Variants in VPS33A observed in about 807,000 individuals in gnomAD.
The protein encoded by VPS33A is vacuolar protein sorting-associated protein 33A.
In VPS33A, 32 loss-of-function variants were observed where a neutral mutation model predicts 71.8. That is an observed-to-expected ratio of 0.45 (90% CI 0.34 to 0.60). VPS33A has a LOEUF of 0.60. VPS33A is among the 20% of genes least tolerant of loss of function. VPS33A has a pLI of 0.02. For synonymous variants in VPS33A, 311 were observed against 292.7 expected (o/e 1.06, Z -0.64); for missense variants, 625 against 748.5 (o/e 0.84, Z 1.92).
intron 4 of VPS33A, among the ~76,000 whole-genome samples, chr12:122,254,575 A>T (rs1954890667): frequency 6.6e-6 from 1 of 151,654 alleles, no homozygotes; most frequent in Non-Finnish European, 1.5e-5. Flanking sequence ...GCTAATTTTA[A>T]TTTTGTTTTA....
At chr12:122,235,260 A>G (rs1219413588) in intron 11 of VPS33A, among the ~76,000 whole-genome samples, 2 of 143,272 alleles carry the variant, frequency 1.4e-5, no homozygotes, top group East Asian at 4.1e-4. Context: ...AGCCTGCCCC[A>G]TAACTTTTTT....
intron 7 of VPS33A, among the ~76,000 whole-genome samples, chr12:122,242,845 C>T (rs138502107): frequency 2.2e-4 from 33 of 152,220 alleles, no homozygotes; most frequent in East Asian, 1.9e-3. Flanking sequence ...TGAGCCACCA[C>T]GCCTGGCCGA....
Position 122,238,675 on chromosome 12 carries a change from T to G in VPS33A, c.1214A>C (p.Lys405Thr). The change falls in exon 10 of 13, where the codon AAG becomes ACG. Residue 405 changes from lysine to threonine, a missense_variant. Physicochemically the swap from Lys to Thr is moderately conservative, Grantham distance 78. Coordinates refer to ENST00000267199, the MANE Select transcript of VPS33A (RefSeq NM_022916.6). ...TTGGAGGCAAACTAGTCTTAACACC[T>G]TGATCAACGAGTGCTTTTGGGCGAT... ...DCIAQKHSLI[K>T]VLRLVCLQSV... 1 of 1,613,882 alleles carries G rather than the reference T, an allele frequency of 6.2e-7. No individual in the cohort carries two copies. Among genetic ancestry groups the G allele is most frequent in the Non-Finnish European group, 8.5e-7 (1 of 1,179,982 alleles).
intron 4 of VPS33A, among the ~76,000 whole-genome samples, chr12:122,255,054 G>GAAAAAAAAAAAAAAAAAA (rs35670853): frequency 7.7e-6 from 1 of 129,796 alleles, no homozygotes. Context: ...CAGTTTCAAG[G>GAAAAAAAAAAAAAAAAAA]AAAAAAAAAA....
intron 3 of VPS33A, 95 bp downstream of exon 3, chr12:122,263,477 T>C (rs928949826): frequency 1.4e-6 from 2 of 1,419,948 alleles, no homozygotes; most frequent in African/African-American, 2.8e-5. Flanking sequence ...CACCTTGCAC[T>C]GGCAAGAGTG....
chr12:122,232,578 ATTTTT>A, intron 12 of VPS33A, 151 bp from the exon 13 acceptor site: 1 of 1,038,554 alleles, frequency 9.6e-7, no homozygotes, highest in Non-Finnish European at 1.3e-6. Context: ...TGATCTCAAC[ATTTTT>A]TTTTAACTTC....
At chr12:122,244,465 A>C in intron 7 of VPS33A, 104 bp downstream of exon 7, 1 of 1,006,128 alleles carries the variant, frequency 9.9e-7, no homozygotes, top group East Asian at 2.4e-5. Context: ...GTTGCATTGA[A>C]GCCTGGTTTA....
chr12:122,264,403 G>C (rs1955039599), intron 1 of VPS33A, among the ~76,000 whole-genome samples: 1 of 152,110 alleles, frequency 6.6e-6, no homozygotes, highest in African/African-American at 2.4e-5. Flanking sequence ...CTGTTATTTT[G>C]TTTCTGAGAC....
At position 122,229,804 on chromosome 12, in the gene VPS33A, G is replaced by A. The variant is rs1954535848; in HGVS notation, c.*2442C>T. ...CATTTTCTATTTGCATACAAATGAA[G>A]CAATTGAAGTTTTTCAGTCTTCTGC... On this transcript the variant is annotated 3_prime_UTR_variant, in exon 13 of 13. Transcript: ENST00000267199. 1.3e-5 allele frequency: 2 copies of A among 152,204 alleles called. No individual in the cohort carries two copies. The highest frequency in any genetic ancestry group is 1.3e-4 in the Admixed American group (2 of 15,276). The allele number at this position is 152,204 out of a possible 1,614,324, so 9.4% of individuals were successfully genotyped here. A position where few individuals can be genotyped will look rare whatever the true frequency, so the allele number is the denominator to read the frequency against.
intron 1 of VPS33A, chr12:122,265,698 G>C (rs1341976464): frequency 4.4e-6 from 2 of 454,012 alleles, no homozygotes; most frequent in African/African-American, 2.0e-5. Context: ...CAGTTGTACT[G>C]TCAGTAACTT....
chr12:122,245,346 A>T (rs1031477944), intron 6 of VPS33A, among the ~76,000 whole-genome samples: 1 of 152,048 alleles, frequency 6.6e-6, no homozygotes, highest in Non-Finnish European at 1.5e-5. Context: ...TATAAAATAC[A>T]TTTCTTACTG....
intron 4 of VPS33A, among the ~76,000 whole-genome samples, chr12:122,253,907 G>A (rs191365463): frequency 2.0e-5 from 3 of 152,050 alleles, no homozygotes; most frequent in Admixed American, 1.3e-4. Flanking sequence ...CCACGTTGCC[G>A]AGGCTGGTCT....
chr12:122,237,620 T>C (rs7313705), intron 10 of VPS33A, among the ~76,000 whole-genome samples: 4,464 of 139,724 alleles, frequency 0.032, 259 homozygotes, highest in African/African-American at 0.12. Context: ...CTCGGCTCAC[T>C]GCAAGCTCCG....
At chr12:122,266,223 C>G in intron 1 of VPS33A, 84 bp downstream of exon 1, 1 of 1,549,208 alleles carries the variant, frequency 6.5e-7, no homozygotes, top group Non-Finnish European at 8.7e-7. Context: ...CCTCATAAAC[C>G]GCGAACTCAG....
intron 3 of VPS33A, among the ~76,000 whole-genome samples, chr12:122,262,329 C>A (rs1955005979): frequency 6.6e-6 from 1 of 152,198 alleles, no homozygotes; most frequent in African/African-American, 2.4e-5. Flanking sequence ...ATTTATGGGG[C>A]ATTGAAGCTC....
chr12:122,241,774 G>A (rs1049339928), intron 8 of VPS33A, among the ~76,000 whole-genome samples: 24 of 151,810 alleles, frequency 1.6e-4, no homozygotes, highest in African/African-American at 5.8e-4. Flanking sequence ...TGTATTTTTA[G>A]TAGAGACAGG....
chr12:122,244,541 G>GC, intron 7 of VPS33A, 28 bp downstream of exon 7: 1 of 1,565,390 alleles, frequency 6.4e-7, no homozygotes, highest in Non-Finnish European at 8.7e-7. Flanking sequence ...GCCTAGAGTT[G>GC]CAGAATGACA....
At chr12:122,251,635 T>C (rs1213831684) in intron 4 of VPS33A, among the ~76,000 whole-genome samples, 1 of 151,984 alleles carries the variant, frequency 6.6e-6, no homozygotes, top group Non-Finnish European at 1.5e-5. Context: ...TATTTTTGCA[T>C]TGAAAAAAGG....
chr12:122,240,004 C>T lies in VPS33A; in HGVS notation c.1097-59G>A. 3.8e-6 allele frequency: 5 copies of T among 1,323,344 alleles called. No homozygotes were observed. In the South Asian group the frequency reaches 5.9e-5, roughly 16 times the overall value. 82.0% of individuals were successfully genotyped at this position (1,323,344 alleles called of 1,614,324 possible). On this transcript the variant is annotated intron_variant, in intron 8 of 12. Coordinates refer to ENST00000267199, the MANE Select transcript of VPS33A (RefSeq NM_022916.6). ...ATTAAATGTTAATTTACTTGAGTGG[C>T]ATGCTTTTATACACAGAGCACGATT...
Sources: gnomAD v4.1 joint callset for allele counts (sites outside exome capture counted in the v4.1 genomes callset) on GRCh38, gnomAD v4.1.1 for gene constraint, MANE v1.5 for transcripts, NCBI Gene and HGNC (gene_info 2026-07-23, HGNC 2026-07-21) for gene names.